Variants in CHD1L observed in about 807,000 individuals in gnomAD.
CHD1L encodes the protein chromodomain helicase DNA binding protein 1 like, also known as ATP-dependent chromatin remodeler CHD1L.
In CHD1L, 118 loss-of-function variants were observed where a neutral mutation model predicts 115.9. The observed-to-expected ratio is 1.02, with a 90% CI of 0.88 to 1.19. The LOEUF (loss-of-function observed/expected upper bound fraction) is 1.19, where lower values mean the gene tolerates loss of function less well. Among genes scored for constraint, CHD1L ranks in the 50% most tolerant of loss-of-function variants. CHD1L has a pLI of 0.00. For missense variants in CHD1L, 1,179 were observed against 1,065.3 expected, an observed-to-expected ratio of 1.11 and a Z score of -1.49; for synonymous variants, 411 against 387.1, an observed-to-expected ratio of 1.06 and a Z score of -0.72.
chr1:147,294,386 ATG>A, intron 21 of CHD1L, 21 bp from the exon 22 acceptor site: 1 of 1,453,732 alleles, frequency 6.9e-7, no homozygotes, highest in Middle Eastern at 1.8e-4. Flanking sequence ...GAGTGAAGAC[ATG>A]TGTTCTTCTC....
the CHD1L span, among the ~76,000 whole-genome samples, chr1:147,228,753 G>A: frequency 5.3e-5 from 8 of 152,114 alleles, no homozygotes; most frequent in African/African-American, 1.2e-4. Flanking sequence ...TATTTCTCTG[G>A]TGGCCAGTGA....
chr1:147,243,611 T>C (rs1665625339), intron 1 of CHD1L, among the ~76,000 whole-genome samples: 1 of 152,136 alleles, frequency 6.6e-6, no homozygotes, highest in Non-Finnish European at 1.5e-5. Flanking sequence ...GACTCGCCGC[T>C]GAACCGCCCC....
chr1:147,215,672 G>T, the CHD1L span: 1 of 1,002,686 alleles, frequency 1.0e-6, no homozygotes, highest in Non-Finnish European at 1.5e-6. Flanking sequence ...ATCTTTAGAA[G>T]TAAACATTGG....
rs1180954265 is a variant in CHD1L, at chr1:147,294,472, G to A, written c.2570G>A (p.Arg857Gln). 13 of 1,612,756 alleles carry A rather than the reference G, an allele frequency of 8.1e-6. No homozygotes were observed. Among genetic ancestry groups the A allele is most frequent in the South Asian group, 2.2e-5 (2 of 90,828 alleles). ...TKGFNWYGTE[R>Q]LIRKHLAARG... The stretch of plus-strand genomic sequence containing the variant: ...GGTTTTAACTGGTATGGTACTGAGC[G>A]ACTTATTCGGAAACATCTGGCTGCA... Residue 857 changes from arginine to glutamine, a missense_variant, in exon 22 of 23, where the codon CGA (arginine) becomes CAA (glutamine). Coordinates refer to ENST00000369258, the MANE Select transcript of CHD1L (RefSeq NM_004284.6).
At chr1:147,256,260 G>A (rs964747587) in intron 4 of CHD1L, among the ~76,000 whole-genome samples, 2 of 152,218 alleles carry the variant, frequency 1.3e-5, no homozygotes, top group African/African-American at 4.8e-5. Context: ...TGTTACTGGA[G>A]GATAGGAATG....
chr1:147,246,667 A>G (rs1666716004), intron 1 of CHD1L, among the ~76,000 whole-genome samples: 1 of 152,064 alleles, frequency 6.6e-6, no homozygotes, highest in African/African-American at 2.4e-5. Context: ...GAAATATGTA[A>G]CCTCTTTGAT....
Position 147,242,700 on chromosome 1 carries a change from C to T in CHD1L, c.-4C>T, listed in dbSNP as rs782237084. On this transcript the variant is annotated 5_prime_UTR_variant, in exon 1 of 23. Transcript: ENST00000369258. ...CCGCGCGGGGCGGGGCCTCTACCGGCCCGATGGAGCGCGCGGGCGCTACTA... is the reference window on the plus strand; with the variant it reads ...CCGCGCGGGGCGGGGCCTCTACCGGTCCGATGGAGCGCGCGGGCGCTACTA... 1 of 1,261,104 alleles carries T rather than the reference C, an allele frequency of 7.9e-7. No individual in the cohort carries two copies. The highest frequency in any genetic ancestry group is 1.0e-6 in the Non-Finnish European group (1 of 1,000,220). 78.1% of individuals were successfully genotyped at this position (1,261,104 alleles called of 1,614,324 possible).
chr1:147,210,858 G>A, the CHD1L span: 5 of 151,944 alleles, frequency 3.3e-5, no homozygotes, highest in Non-Finnish European at 5.9e-5. Context: ...AAGGAAAATT[G>A]TTTAATCAGT....
chr1:147,183,015 C>T, the CHD1L span, among the ~76,000 whole-genome samples: 2,257 of 152,124 alleles, frequency 0.015, 27 homozygotes, highest in Non-Finnish European at 0.021. Flanking sequence ...CTGGCTAACA[C>T]GATAAAACCC....
At chr1:147,270,847 T>A in intron 10 of CHD1L, 85 bp from the exon 11 acceptor site, 1 of 1,091,444 alleles carries the variant, frequency 9.2e-7, no homozygotes, top group South Asian at 1.3e-5. Flanking sequence ...TTATAAACTT[T>A]TATTGTTTGG....
At chr1:147,286,235 A>G in intron 17 of CHD1L, 63 bp from the exon 18 acceptor site, 1 of 1,522,704 alleles carries the variant, frequency 6.6e-7, no homozygotes. Flanking sequence ...GCAGTATAAA[A>G]TGTGCTCCAA....
chr1:147,280,319 C>T (rs1327464048), intron 15 of CHD1L, 128 bp downstream of exon 15: 2 of 944,960 alleles, frequency 2.1e-6, no homozygotes, highest in East Asian at 2.7e-5. Context: ...GTCATTTGGG[C>T]ACACTGTTTA....
the CHD1L span, chr1:147,216,003 C>A: frequency 7.7e-7 from 1 of 1,296,954 alleles, no homozygotes; most frequent in Non-Finnish European, 1.1e-6. Flanking sequence ...TTATAATAGC[C>A]AATAGACATC....
rs201710863 is a variant in CHD1L, at chr1:147,256,500, G to A, written c.463-31G>A. On this transcript the variant is annotated intron_variant, in intron 4 of 22. Coordinates refer to ENST00000369258, the MANE Select transcript of CHD1L (RefSeq NM_004284.6). ...TCAATATCAGAGTTTATCAATGCCAGCCTTTATAACGTGTCTTCCTAATTT... is the reference window on the plus strand; with the variant it reads ...TCAATATCAGAGTTTATCAATGCCAACCTTTATAACGTGTCTTCCTAATTT... 6.1e-5 allele frequency: 97 copies of A among 1,602,500 alleles called. 1 individual carries two copies. In the East Asian group the frequency reaches 2.0e-3, roughly 33 times the overall value.
intron 1 of CHD1L, among the ~76,000 whole-genome samples, chr1:147,243,642 T>A (rs1372198319): frequency 6.6e-6 from 1 of 152,152 alleles, no homozygotes; most frequent in African/African-American, 2.4e-5. Flanking sequence ...TCCTTACTTA[T>A]AAGTTGGGAA....
the CHD1L span, among the ~76,000 whole-genome samples, chr1:147,234,920 A>G: frequency 6.6e-6 from 1 of 152,168 alleles, no homozygotes; most frequent in Admixed American, 6.5e-5. Context: ...CTCATATTCC[A>G]CTGTCCAAGG....
chr1:147,242,629 GCGCGCCCC>G, upstream of CHD1L: 1 of 1,232,828 alleles, frequency 8.1e-7, no homozygotes, highest in Non-Finnish European at 1.0e-6. Flanking sequence ...GCGCGCAGTC[GCGCGCCCC>G]CGCGCGTTGG....
At chr1:147,282,016 A>G (rs1239873317) in intron 15 of CHD1L, among the ~76,000 whole-genome samples, 1 of 152,170 alleles carries the variant, frequency 6.6e-6, no homozygotes, top group East Asian at 1.9e-4. Flanking sequence ...TATAGTCACC[A>G]TGGTACCTCT....
At position 147,256,531 on chromosome 1, in the gene CHD1L, A is replaced by G. The variant is rs782146681; in HGVS notation, c.463A>G (p.Ile155Val). Reference sequence around the variant, plus strand: ...ATAACGTGTCTTCCTAATTTTTCAGATTTGCTTGAAAGATGCATCATTTCT... The same window carrying G: ...ATAACGTGTCTTCCTAATTTTTCAGGTTTGCTTGAAAGATGCATCATTTCT... ...RFHVLLTTYE[I>V]CLKDASFLKS... Residue 155 changes from isoleucine to valine, a missense_variant and splice_region_variant, in exon 5 of 23, where the codon ATT becomes GTT. By Grantham distance (29) the Ile-to-Val change is conservative. Coordinates refer to ENST00000369258, the MANE Select transcript of CHD1L (RefSeq NM_004284.6). 1 of 1,613,380 alleles carries G rather than the reference A, an allele frequency of 6.2e-7. No individual in the cohort carries two copies. The highest frequency in any genetic ancestry group is 8.5e-7 in the Non-Finnish European group (1 of 1,179,422).
Sources: allele counts gnomAD v4.1 joint callset (sites outside exome capture counted in the v4.1 genomes callset), GRCh38; gene constraint gnomAD v4.1.1; transcripts MANE v1.5; gene names NCBI Gene and HGNC (gene_info 2026-07-23, HGNC 2026-07-21).